HDX: variants seen among roughly 807,000 people sequenced by gnomAD.
HDX encodes the protein highly divergent homeobox.
HDX carries 19 observed loss-of-function variants against 45.2 expected under a neutral mutation model. That is an observed-to-expected ratio of 0.42 (90% CI 0.29 to 0.62). The LOEUF (loss-of-function observed/expected upper bound fraction) is 0.62, where lower values mean the gene tolerates loss of function less well. HDX is among the 20% of genes least tolerant of loss of function. The probability of loss-of-function intolerance (pLI) is 0.20; values close to 1 mark genes in which losing one functional copy is unlikely to be tolerated. For synonymous variants in HDX, 188 were observed against 172.8 expected, an observed-to-expected ratio of 1.09 and a Z score of -0.69; for missense variants, 532 against 493.9, an observed-to-expected ratio of 1.08 and a Z score of -0.73.
At chrX:84,374,349 G>T (rs2037983487) in intron 5 of HDX, among the ~76,000 whole-genome samples, 2 of 109,235 alleles carry the variant, frequency 1.8e-5, no homozygotes, top group East Asian at 2.9e-4. Flanking sequence ...GTAATTTATA[G>T]ATTCAATGCC....
intron 1 of HDX, among the ~76,000 whole-genome samples, chrX:84,489,110 G>T (rs2040848320): frequency 2.7e-5 from 3 of 111,612 alleles, no homozygotes; most frequent in African/African-American, 9.8e-5. Flanking sequence ...TTACCTTGTA[G>T]ATTTTGTGAC....
At chrX:84,442,054 A>G (rs187260062) in intron 4 of HDX, among the ~76,000 whole-genome samples, 426 of 110,865 alleles carry the variant, frequency 3.8e-3, no homozygotes, top group African/African-American at 0.013. Flanking sequence ...GTAGTCTGTT[A>G]CCTGTGGTTC....
intron 4 of HDX, among the ~76,000 whole-genome samples, chrX:84,464,326 T>C (rs1336423496): frequency 9.0e-6 from 1 of 111,516 alleles, no homozygotes; most frequent in Admixed American, 9.5e-5. Context: ...AAAAAACTAC[T>C]TTAAATTTCA....
At chrX:84,412,187 T>A (rs1326513768) in intron 5 of HDX, among the ~76,000 whole-genome samples, 1 of 111,693 alleles carries the variant, frequency 9.0e-6, no homozygotes, top group East Asian at 2.8e-4. Flanking sequence ...ATGTGCAGAT[T>A]AGATCCTGTT....
At chrX:84,431,392 G>A (rs781451569) in intron 5 of HDX, among the ~76,000 whole-genome samples, 3 of 110,798 alleles carry the variant, frequency 2.7e-5, no homozygotes, top group Non-Finnish European at 5.7e-5. Flanking sequence ...GAGTCAAATG[G>A]TAATTCTGTT....
chrX:84,457,525 A>G (rs2040138727), intron 4 of HDX, among the ~76,000 whole-genome samples: 1 of 111,840 alleles, frequency 8.9e-6, no homozygotes, highest in South Asian at 3.7e-4. Context: ...GAGGGAGCCT[A>G]TGTACACATT....
chrX:84,342,032 T>G (rs1203957824), intron 7 of HDX, among the ~76,000 whole-genome samples: 1 of 111,585 alleles, frequency 9.0e-6, no homozygotes, highest in African/African-American at 3.3e-5. Flanking sequence ...TCCTTTCTTG[T>G]TTTTCATTTT....
At chrX:84,368,000 T>C (rs2037802858) in intron 5 of HDX, among the ~76,000 whole-genome samples, 1 of 111,705 alleles carries the variant, frequency 9.0e-6, no homozygotes, top group African/African-American at 3.3e-5. Flanking sequence ...AAAGTATAAT[T>C]TAAACATTAA....
At chrX:84,343,438 A>G (rs2037130025) in intron 7 of HDX, among the ~76,000 whole-genome samples, 2 of 110,347 alleles carry the variant, frequency 1.8e-5, no homozygotes, top group Admixed American at 1.9e-4. Context: ...CAACAACAAC[A>G]AAACAAACAA....
chrX:84,492,942 C>T (rs1242053312), intron 1 of HDX, among the ~76,000 whole-genome samples: 3 of 100,223 alleles, frequency 3.0e-5, no homozygotes, highest in African/African-American at 7.7e-5. Flanking sequence ...GATGGAGCTT[C>T]GCTCTTGTTG....
intron 5 of HDX, among the ~76,000 whole-genome samples, chrX:84,414,437 C>A (rs748133395): frequency 1.8e-5 from 2 of 111,698 alleles, no homozygotes; most frequent in Admixed American, 1.9e-4. Context: ...AATAGAGTTA[C>A]CATTATTACC....
intron 5 of HDX, among the ~76,000 whole-genome samples, chrX:84,379,786 T>C (rs2038145283): frequency 9.1e-6 from 1 of 109,901 alleles, no homozygotes; most frequent in African/African-American, 3.3e-5. Flanking sequence ...AATCATCAAA[T>C]ACACAATCTA....
intron 6 of HDX, among the ~76,000 whole-genome samples, chrX:84,359,010 G>A (rs1482750760): frequency 1.8e-5 from 2 of 110,883 alleles, no homozygotes; most frequent in Non-Finnish European, 3.8e-5. Context: ...AATCAGCTGT[G>A]GTAGGAATCT....
chrX:84,360,344 A>C (rs2037590851), intron 6 of HDX, among the ~76,000 whole-genome samples: 1 of 112,016 alleles, frequency 8.9e-6, no homozygotes, highest in Non-Finnish European at 1.9e-5. Context: ...ATGTAAAATA[A>C]ATTTTTATCT....
chrX:84,431,108 G>A (rs1173996863), intron 5 of HDX, among the ~76,000 whole-genome samples: 1 of 110,665 alleles, frequency 9.0e-6, no homozygotes, highest in South Asian at 3.7e-4. Flanking sequence ...TTGTAAGTGA[G>A]GCCATGTGGT....
intron 5 of HDX, among the ~76,000 whole-genome samples, chrX:84,414,418 G>A (rs1055738539): frequency 1.8e-5 from 2 of 111,689 alleles, no homozygotes; most frequent in Admixed American, 9.5e-5. Context: ...AATTCCAGGG[G>A]TAGAGGGGAA....
chrX:84,469,367 C>T lies in HDX; in HGVS notation c.356G>A (p.Arg119Lys), dbSNP rs141784700. ...GIYSPASSSSRQGTNKHTDTQ... is the reference protein window; with the variant it reads ...GIYSPASSSSKQGTNKHTDTQ... ...GTCTGTATGTTTGTTTGTTCCTTGC[C>T]TACTTGATGAACTGGCTGGACTGTA... The change falls in exon 4 of 11, where the codon AGG becomes AAG. Residue 119 changes from arginine to lysine, a missense_variant. Transcript: ENST00000373177. 105 of 1,208,027 alleles carry T rather than the reference C, an allele frequency of 8.7e-5. No individual in the cohort carries two copies. The African/African-American group carries it at 1.7e-3, about 20-fold the overall frequency.
rs2038184630 is a variant in HDX at position 84,381,406 on chromosome X, A to G, written c.1306-19794T>C. On this transcript the variant is annotated intron_variant, in intron 5 of 10. Transcript: ENST00000373177. ...ATAGCCAAAGCTATTCTAGGCAAAA[A>G]TAACAAAACTGGAGGAATTACATCA... 3.6e-5 allele frequency among the ~76,000 whole-genome samples: 4 copies of G among 111,061 alleles called. No homozygotes were observed. In the South Asian group the frequency reaches 1.5e-3, roughly 42 times the overall value.
At position 84,469,113 on chromosome X, in the gene HDX, C is replaced by A. The variant is rs1237798882; in HGVS notation, c.610G>T (p.Ala204Ser). 4.1e-6 allele frequency: 5 copies of A among 1,209,380 alleles called. No homozygotes were observed. Among genetic ancestry groups the A allele is most frequent in the Admixed American group, 2.2e-5 (1 of 45,653 alleles). The change falls in exon 4 of 11, where the codon GCT becomes TCT. Residue 204 changes from alanine (A) to serine (S), a missense_variant. Ala to Ser is a moderately conservative substitution (Grantham distance 99). Transcript: ENST00000373177. ...KKNYGNSSVQ[A>S]SEMTVPQKPS... ...TTTTGAGGTACTGTCATTTCAGAAG[C>A]TTGTACTGAAGAGTTTCCATAGTTT...
Sources: allele counts gnomAD v4.1 joint callset (sites outside exome capture counted in the v4.1 genomes callset), GRCh38; gene constraint gnomAD v4.1.1; transcripts MANE v1.5; gene names NCBI Gene and HGNC (gene_info 2026-07-23, HGNC 2026-07-21).